FOXO1: variants seen among roughly 807,000 people sequenced by gnomAD.
The protein encoded by FOXO1 is forkhead box protein O1.
In FOXO1, 6 loss-of-function variants were observed where a neutral mutation model predicts 44.1. The observed-to-expected ratio is 0.14, with a 90% CI of 0.07 to 0.27. The LOEUF (loss-of-function observed/expected upper bound fraction) is 0.27. FOXO1 is among the 10% of genes least tolerant of loss of function. FOXO1 has a pLI of 1.00. For synonymous variants in FOXO1, 380 were observed against 362.7 expected, an observed-to-expected ratio of 1.05 and a Z score of -0.54; for missense variants, 737 against 888.8, an observed-to-expected ratio of 0.83 and a Z score of 2.17.
At chr13:40,642,504 A>G (rs2137924426) in intron 1 of FOXO1, among the ~76,000 whole-genome samples, 1 of 152,354 alleles carries the variant, frequency 6.6e-6, no homozygotes, top group South Asian at 2.1e-4. Flanking sequence ...ATCAGATGAC[A>G]GATATAAGCT....
chr13:40,566,142 T>C (rs1426482707), intron 1 of FOXO1, among the ~76,000 whole-genome samples: 1 of 152,126 alleles, frequency 6.6e-6, no homozygotes, highest in African/African-American at 2.4e-5. Context: ...AGCCAGCATG[T>C]GCAGAGCAGC....
chr13:40,636,284 TC>T (rs1055439668), intron 1 of FOXO1, among the ~76,000 whole-genome samples: 1 of 151,872 alleles, frequency 6.6e-6, no homozygotes, highest in African/African-American at 2.4e-5. Flanking sequence ...CTGTACAACC[TC>T]AAACAAGGTA....
intron 1 of FOXO1, among the ~76,000 whole-genome samples, chr13:40,650,501 C>A (rs1015581522): frequency 6.6e-6 from 1 of 152,088 alleles, no homozygotes; most frequent in African/African-American, 2.4e-5. Flanking sequence ...CTCAATTAAG[C>A]TGAACAGATT....
Position 40,560,828 on chromosome 13 carries a change from G to A in FOXO1, c.663C>T (p.Ser221=). Reference sequence around the variant, plus strand: ...CTTCATTCTGCACACGAATGAACTTGCTGTGTAGGGACAGATTATGACGAA... The same window carrying A: ...CTTCATTCTGCACACGAATGAACTTACTGTGTAGGGACAGATTATGACGAA... The part of the protein sequence containing the change: ...NSIRHNLSLH[S]KFIRVQNEGT... The change falls in exon 2 of 3, where the codon AGC becomes AGT. Residue 221 remains serine (S), a synonymous_variant. Transcript: ENST00000379561. The surrounding 1 kb of genome is among the most constrained non-coding windows in gnomAD (Gnocchi z 5.1). The A allele has an allele frequency of 6.2e-7, 1 of 1,613,330 alleles. No homozygotes were observed. Among genetic ancestry groups the A allele is most frequent in the Non-Finnish European group, 8.5e-7 (1 of 1,179,704 alleles).
chr13:40,650,696 A>G (rs1877651497), intron 1 of FOXO1, among the ~76,000 whole-genome samples: 1 of 152,094 alleles, frequency 6.6e-6, no homozygotes, highest in Non-Finnish European at 1.5e-5. Context: ...CATGCTTTTT[A>G]AATTGTTATT....
intron 1 of FOXO1, among the ~76,000 whole-genome samples, chr13:40,566,820 G>C (rs911559875): frequency 6.6e-6 from 1 of 152,072 alleles, no homozygotes; most frequent in Admixed American, 6.5e-5. Flanking sequence ...ACCATTTACA[G>C]ACCACTAGTC....
In FOXO1 at chr13:40,560,473, C is replaced by T; in HGVS notation, c.1018G>A (p.Glu340Lys). 6.2e-7 allele frequency: 1 copy of T among 1,614,150 alleles called. No individual in the cohort carries two copies. The highest frequency in any genetic ancestry group is 1.3e-5 in the African/African-American group (1 of 75,038). The change falls in exon 2 of 3, where the codon GAA becomes AAA. Residue 340 changes from glutamate (E) to lysine (K), a missense_variant. Glu to Lys is a moderately conservative substitution (Grantham distance 56, BLOSUM62 1). This residue lies in a region of FOXO1 where 136 missense variants were observed against 186.4 expected (regional missense o/e 0.73). Coordinates refer to ENST00000379561, the MANE Select transcript of FOXO1 (RefSeq NM_002015.4). The surrounding 1 kb of genome is among the most constrained non-coding windows in gnomAD (Gnocchi z 5.1). Reference protein sequence around the residue: ...PIMTEQDDLGEGDVHSMVYPP... With the variant: ...PIMTEQDDLGKGDVHSMVYPP... ...TACACCATAGAATGCACATCCCCTT[C>T]TCCAAGATCATCCTGTTCGGTCATA...
chr13:40,634,048 C>T (rs1285075868), intron 1 of FOXO1, among the ~76,000 whole-genome samples: 1 of 152,124 alleles, frequency 6.6e-6, no homozygotes, highest in African/African-American at 2.4e-5. Flanking sequence ...AGTTTCATAC[C>T]TATTCTCTGG....
chr13:40,655,923 C>T (rs1877845887), intron 1 of FOXO1, among the ~76,000 whole-genome samples: 1 of 152,128 alleles, frequency 6.6e-6, no homozygotes, highest in Non-Finnish European at 1.5e-5. Flanking sequence ...AGGTGTGAGC[C>T]ACCGCGCCCG....
intron 1 of FOXO1, among the ~76,000 whole-genome samples, chr13:40,641,895 A>C (rs943887643): frequency 6.6e-6 from 1 of 152,188 alleles, no homozygotes; most frequent in African/African-American, 2.4e-5. Flanking sequence ...CTGAGGTGAG[A>C]GGACCACTTG....
At chr13:40,588,444 C>T (rs1019921557) in intron 1 of FOXO1, among the ~76,000 whole-genome samples, 1 of 152,162 alleles carries the variant, frequency 6.6e-6, no homozygotes, top group African/African-American at 2.4e-5. Context: ...CGGTTAAACC[C>T]TCCATAACCA....
chr13:40,561,598 T>C (rs553330616), intron 1 of FOXO1, among the ~76,000 whole-genome samples: 1 of 152,122 alleles, frequency 6.6e-6, no homozygotes, highest in Non-Finnish European at 1.5e-5. Context: ...CTGTGCCATT[T>C]ACATAAAGAA....
intron 1 of FOXO1, among the ~76,000 whole-genome samples, chr13:40,578,902 G>A (rs535476834): frequency 9.9e-5 from 15 of 152,138 alleles, no homozygotes; most frequent in Non-Finnish European, 1.6e-4. Flanking sequence ...TTCTTTGCCC[G>A]CGCTTCTTGA....
At chr13:40,647,937 T>C (rs147353910) in intron 1 of FOXO1, among the ~76,000 whole-genome samples, 14 of 152,332 alleles carry the variant, frequency 9.2e-5, no homozygotes, top group African/African-American at 1.9e-4. Flanking sequence ...CTGCAGAGTC[T>C]GGTCAAAGCA....
chr13:40,662,106 G>A (rs1376116652), intron 1 of FOXO1, among the ~76,000 whole-genome samples: 2 of 149,416 alleles, frequency 1.3e-5, no homozygotes, highest in Non-Finnish European at 3.0e-5. Flanking sequence ...GGGAGGCGGA[G>A]GTTGCAGCAA....
chr13:40,577,826 G>A (rs1444285958), intron 1 of FOXO1, among the ~76,000 whole-genome samples: 2 of 152,132 alleles, frequency 1.3e-5, no homozygotes, highest in East Asian at 1.9e-4. Flanking sequence ...AACAGAAGAG[G>A]AGAAAAGATA....
intron 1 of FOXO1, among the ~76,000 whole-genome samples, chr13:40,570,326 T>A (rs562450051): frequency 9.4e-4 from 140 of 149,490 alleles, no homozygotes; most frequent in African/African-American, 3.3e-3. Flanking sequence ...AAAAATAAAA[T>A]AAAATAAAAA....
intron 1 of FOXO1, among the ~76,000 whole-genome samples, chr13:40,581,647 C>G (rs1874960583): frequency 1.3e-5 from 2 of 152,340 alleles, no homozygotes; most frequent in Admixed American, 6.5e-5. Context: ...AACAGAAACT[C>G]TATCCCACCC....
Position 40,666,190 on chromosome 13 carries a change from A to C in FOXO1, c.23T>G (p.Val8Gly). Residue 8 changes from valine (V) to glycine (G), a missense_variant, in exon 1 of 3, where the codon GTG (valine) becomes GGG (glycine). Transcript: ENST00000379561. MAEAPQV[V>G]EIDPDFEPLP... ...CGGCTCGAAGTCCGGGTCGATCTCC[A>C]CCACCTGAGGCGCCTCGGCCATGGT... 1 of 1,450,074 alleles carries C rather than the reference A, an allele frequency of 6.9e-7. No individual in the cohort carries two copies. Among genetic ancestry groups the C allele is most frequent in the Admixed American group, 2.5e-5 (1 of 40,708 alleles). 89.8% of individuals were successfully genotyped at this position (1,450,074 alleles called of 1,614,324 possible).
Sources: allele counts gnomAD v4.1 joint callset (sites outside exome capture counted in the v4.1 genomes callset), GRCh38; gene constraint gnomAD v4.1.1; regional missense constraint gnomAD v4.1.1; non-coding constraint Gnocchi (gnomAD v3.1); transcripts MANE v1.5; gene names NCBI Gene and HGNC (gene_info 2026-07-23, HGNC 2026-07-21).